Variants in LHFPL3 observed in about 807,000 individuals in gnomAD.
LHFPL3 encodes the protein LHFPL tetraspan subfamily member 3 protein.
LHFPL3 carries 5 observed loss-of-function variants against 19.3 expected under a neutral mutation model. The ratio of observed to expected loss-of-function variants is 0.26; its 90% CI spans 0.14 to 0.54. The LOEUF (loss-of-function observed/expected upper bound fraction) is 0.54. LHFPL3 is among the 20% of genes least tolerant of loss of function. The pLI, the probability that LHFPL3 is intolerant of heterozygous loss-of-function variation, is 0.94. For missense variants in LHFPL3, 249 were observed against 307.4 expected (o/e 0.81, Z 1.42); for synonymous variants, 133 against 126.2 (o/e 1.05, Z -0.36).
chr7:104,334,192 T>G (rs549476827), intron 1 of LHFPL3, among the ~76,000 whole-genome samples: 7 of 152,332 alleles, frequency 4.6e-5, no homozygotes, highest in Non-Finnish European at 8.8e-5. Context: ...TTCATTGAGT[T>G]AATAAATTGA....
At chr7:104,762,136 A>G (rs1324678792) in intron 2 of LHFPL3, among the ~76,000 whole-genome samples, 2 of 152,180 alleles carry the variant, frequency 1.3e-5, no homozygotes, top group Non-Finnish European at 2.9e-5. Flanking sequence ...TTCGTGTCTA[A>G]AAACACTACC....
At chr7:104,739,280 T>G (rs1314679102) in intron 2 of LHFPL3, among the ~76,000 whole-genome samples, 2 of 152,198 alleles carry the variant, frequency 1.3e-5, no homozygotes, top group East Asian at 3.8e-4. Flanking sequence ...TGGTATTATT[T>G]AAACACTTGC....
At chr7:104,672,149 G>A (rs777174181) in intron 1 of LHFPL3, among the ~76,000 whole-genome samples, 7 of 151,828 alleles carry the variant, frequency 4.6e-5, no homozygotes, top group African/African-American at 9.7e-5. Flanking sequence ...CTGACATTCA[G>A]CCAACCAGTA....
chr7:104,673,385 T>C (rs941652587), intron 1 of LHFPL3, among the ~76,000 whole-genome samples: 4 of 152,248 alleles, frequency 2.6e-5, no homozygotes, highest in African/African-American at 7.2e-5. Context: ...TAACACTTTT[T>C]GGAAGATCAC....
intron 2 of LHFPL3, among the ~76,000 whole-genome samples, chr7:104,751,368 G>T (rs1794167252): frequency 6.6e-6 from 1 of 151,542 alleles, no homozygotes; most frequent in Non-Finnish European, 1.5e-5. Context: ...TTAAATGAGG[G>T]GCAGGCACTT....
rs34190904 is a variant in LHFPL3 at position 104,674,089 on chromosome 7, A to AT, written c.446-62570dup. On this transcript the variant is annotated intron_variant, in intron 1 of 2. Transcript: ENST00000424859. ...CCCAGTAGCAAAGATTTGCTGCATG[A>AT]TTTTTTTTTTTTTTTTGCTTTGTGC... is the stretch of plus-strand genomic sequence containing the variant. Among the ~76,000 whole-genome samples the AT allele has an allele frequency of 8.7e-3, 1,213 of 139,658 alleles. 13 individuals carry two copies. Among genetic ancestry groups the AT allele is most frequent in the African/African-American group, 0.026 (978 of 37,832 alleles). 91.6% of individuals were successfully genotyped at this position (139,658 alleles called of 152,430 possible).
At chr7:104,493,416 G>A (rs1295607536) in intron 1 of LHFPL3, among the ~76,000 whole-genome samples, 1 of 151,642 alleles carries the variant, frequency 6.6e-6, no homozygotes, top group Non-Finnish European at 1.5e-5. Flanking sequence ...TTCTCTCTGT[G>A]ATGGCCTCCT....
intron 2 of LHFPL3, chr7:104,796,416 T>C (rs1356106881): frequency 6.6e-6 from 1 of 152,198 alleles, no homozygotes; most frequent in Non-Finnish European, 1.5e-5. Flanking sequence ...TCCAAGTCAT[T>C]GGAGGAACCT....
intron 1 of LHFPL3, among the ~76,000 whole-genome samples, chr7:104,383,378 G>A (rs1416479488): frequency 6.6e-6 from 1 of 152,172 alleles, no homozygotes; most frequent in Non-Finnish European, 1.5e-5. Flanking sequence ...GGCTGACCTT[G>A]TTAATCATTA....
intron 2 of LHFPL3, among the ~76,000 whole-genome samples, chr7:104,854,923 C>A (rs935174686): frequency 6.6e-6 from 1 of 152,160 alleles, no homozygotes; most frequent in Non-Finnish European, 1.5e-5. Context: ...AATTACTCTC[C>A]ATTGACTATT....
intron 2 of LHFPL3, among the ~76,000 whole-genome samples, chr7:104,740,167 T>C (rs1363522789): frequency 6.6e-6 from 1 of 152,200 alleles, no homozygotes; most frequent in East Asian, 1.9e-4. Flanking sequence ...ACCATGATTG[T>C]AAGTTTCCTG....
intron 2 of LHFPL3, among the ~76,000 whole-genome samples, chr7:104,804,549 AC>A (rs1358722970): frequency 1.3e-5 from 2 of 152,320 alleles, no homozygotes; most frequent in African/African-American, 4.8e-5. Context: ...ATGAGATGTC[AC>A]TTCCACGATT....
chr7:104,585,151 C>A lies in LHFPL3; in HGVS notation c.446-151524C>A, dbSNP rs373981835. Among the ~76,000 whole-genome samples the A allele has an allele frequency of 3.5e-4, 53 of 152,110 alleles. No individual in the cohort carries two copies. The South Asian group carries it at 0.011, about 31-fold the overall frequency. On this transcript the variant is annotated intron_variant, in intron 1 of 2. Transcript: ENST00000424859. Reference sequence around the variant, plus strand: ...TCTTCTACCTGTCCTCCTTTTCCTCCTCCTACTGTCTGCCCTCTAGCCCGA... The same window carrying A: ...TCTTCTACCTGTCCTCCTTTTCCTCATCCTACTGTCTGCCCTCTAGCCCGA...
chr7:104,826,161 A>G (rs1198623494), intron 2 of LHFPL3, among the ~76,000 whole-genome samples: 1 of 151,964 alleles, frequency 6.6e-6, no homozygotes, highest in Non-Finnish European at 1.5e-5. Flanking sequence ...AAGGCTGCTG[A>G]CCAGCCCGGC....
chr7:104,564,224 G>A (rs1790076045), intron 1 of LHFPL3, among the ~76,000 whole-genome samples: 1 of 152,152 alleles, frequency 6.6e-6, no homozygotes, highest in South Asian at 2.1e-4. Flanking sequence ...CATGTTATGG[G>A]TTCTATTACC....
chr7:104,573,895 A>G (rs1234419335), intron 1 of LHFPL3, among the ~76,000 whole-genome samples: 2 of 152,220 alleles, frequency 1.3e-5, no homozygotes, highest in African/African-American at 4.8e-5. Flanking sequence ...TTAAAAAGGA[A>G]TAGTATTCCA....
At chr7:104,740,917 C>G (rs1584508085) in intron 2 of LHFPL3, among the ~76,000 whole-genome samples, 1 of 152,030 alleles carries the variant, frequency 6.6e-6, no homozygotes, top group African/African-American at 2.4e-5. Context: ...AACATTCCAC[C>G]TAATGGATAC....
chr7:104,824,741 T>G (rs1453726363), intron 2 of LHFPL3, among the ~76,000 whole-genome samples: 1 of 84,440 alleles, frequency 1.2e-5, no homozygotes, highest in Non-Finnish European at 2.2e-5. Flanking sequence ...GAAACAGAAG[T>G]CTTACTCATA....
intron 2 of LHFPL3, among the ~76,000 whole-genome samples, chr7:104,747,006 T>C (rs1794058630): frequency 6.6e-6 from 1 of 152,202 alleles, no homozygotes; most frequent in Non-Finnish European, 1.5e-5. Flanking sequence ...TTTCATCTGG[T>C]TGCTTTACAA....
Sources: allele counts gnomAD v4.1 joint callset (sites outside exome capture counted in the v4.1 genomes callset), GRCh38; gene constraint gnomAD v4.1.1; transcripts MANE v1.5; gene names NCBI Gene and HGNC (gene_info 2026-07-23, HGNC 2026-07-21).